Variants in PANX1 observed in about 807,000 individuals in gnomAD.
The protein encoded by PANX1 is pannexin-1.
PANX1 carries 30 observed loss-of-function variants against 38.7 expected under a neutral mutation model. That is an observed-to-expected ratio of 0.78 (90% CI 0.58 to 1.05). The LOEUF (loss-of-function observed/expected upper bound fraction) is 1.05. PANX1 is among the 50% of genes least tolerant of loss of function. The probability of loss-of-function intolerance (pLI) is 0.00; values close to 1 mark genes in which losing one functional copy is unlikely to be tolerated. For missense variants in PANX1, 551 were observed against 517.2 expected, an observed-to-expected ratio of 1.07 and a Z score of -0.63; for synonymous variants, 230 against 212.2, an observed-to-expected ratio of 1.08 and a Z score of -0.73.
At chr11:94,180,604 T>G (rs1208619009) in intron 4 of PANX1, among the ~76,000 whole-genome samples, 186 bp from the exon 5 acceptor site, 1 of 152,204 alleles carries the variant, frequency 6.6e-6, no homozygotes, top group Non-Finnish European at 1.5e-5. Context: ...ACCTCTGATC[T>G]CCTTCTCTGT....
At chr11:94,169,005 G>GA (rs1947134089) in intron 2 of PANX1, among the ~76,000 whole-genome samples, 1 of 151,662 alleles carries the variant, frequency 6.6e-6, no homozygotes, top group Non-Finnish European at 1.5e-5. Context: ...GATTTTGGAG[G>GA]AAAATCAAAG....
intron 2 of PANX1, among the ~76,000 whole-genome samples, chr11:94,175,488 A>G (rs1340270846): frequency 6.6e-6 from 1 of 151,808 alleles, no homozygotes; most frequent in Non-Finnish European, 1.5e-5. Context: ...CACAGACTGT[A>G]AATAGTCACT....
chr11:94,176,141 C>T (rs1361782161), intron 2 of PANX1, among the ~76,000 whole-genome samples: 1 of 151,614 alleles, frequency 6.6e-6, no homozygotes, highest in Non-Finnish European at 1.5e-5. Context: ...CACAGATATC[C>T]TGGAATATCG....
intron 1 of PANX1, among the ~76,000 whole-genome samples, chr11:94,133,439 C>T (rs1171302480): frequency 6.6e-6 from 1 of 152,066 alleles, no homozygotes; most frequent in African/African-American, 2.4e-5. Context: ...GGCAGCCACT[C>T]ATTGGTCCAG....
At chr11:94,130,013 C>T (rs542287550) in intron 1 of PANX1, among the ~76,000 whole-genome samples, 5 of 152,218 alleles carry the variant, frequency 3.3e-5, no homozygotes, top group Non-Finnish European at 7.3e-5. Context: ...CTGCACTTGG[C>T]AGGCATTAGA....
intron 2 of PANX1, among the ~76,000 whole-genome samples, chr11:94,171,471 G>A (rs541991270): frequency 7.9e-5 from 12 of 151,606 alleles, no homozygotes; most frequent in African/African-American, 1.5e-4. Flanking sequence ...GAGACAATGC[G>A]TAGTCCATAG....
At chr11:94,146,600 C>T (rs1437947037) in intron 1 of PANX1, among the ~76,000 whole-genome samples, 1 of 152,206 alleles carries the variant, frequency 6.6e-6, no homozygotes, top group African/African-American at 2.4e-5. Context: ...CCTGAGGACC[C>T]ACAGCCCTTC....
At chr11:94,145,132 A>T (rs924259437) in intron 1 of PANX1, among the ~76,000 whole-genome samples, 1 of 152,168 alleles carries the variant, frequency 6.6e-6, no homozygotes, top group African/African-American at 2.4e-5. Context: ...CAACATGTGG[A>T]TGAAGCAAGC....
intron 2 of PANX1, among the ~76,000 whole-genome samples, chr11:94,170,777 G>C (rs968754627): frequency 2.0e-5 from 3 of 151,686 alleles, no homozygotes; most frequent in Non-Finnish European, 4.4e-5. Flanking sequence ...AGAAGGTCCA[G>C]TTCTAACTTC....
In PANX1 at chr11:94,159,144, G is replaced by A. The variant is rs192367177; in HGVS notation, c.321+5514G>A. On this transcript the variant is annotated intron_variant, in intron 2 of 4. Coordinates refer to ENST00000227638, the MANE Select transcript of PANX1 (RefSeq NM_015368.4). ...AGCTTTTTGATGTGCTGCTGGATTC[G>A]GTTTGCCAGTATTTTATTGAGGATT... Among the ~76,000 whole-genome samples, 430 of 152,202 alleles carry A rather than the reference G, an allele frequency of 2.8e-3. 2 individuals are homozygous for A. The highest frequency in any genetic ancestry group is 8.7e-3 in the African/African-American group (363 of 41,514).
intron 2 of PANX1, among the ~76,000 whole-genome samples, chr11:94,168,945 C>T (rs1256992875): frequency 6.6e-6 from 1 of 151,530 alleles, no homozygotes; most frequent in Non-Finnish European, 1.5e-5. Context: ...TTTCAGGCAC[C>T]GGATGGAATG....
intron 1 of PANX1, among the ~76,000 whole-genome samples, chr11:94,140,874 A>G (rs934948686): frequency 1.3e-5 from 2 of 152,206 alleles, no homozygotes; most frequent in African/African-American, 4.8e-5. Flanking sequence ...ATGAAAAATA[A>G]TTATAAAACA....
chr11:94,173,995 C>A (rs1006382924), intron 2 of PANX1, among the ~76,000 whole-genome samples: 1 of 151,444 alleles, frequency 6.6e-6, no homozygotes, highest in African/African-American at 2.4e-5. Context: ...TCTTCTAGTT[C>A]CTGGTGGCTG....
intron 1 of PANX1, among the ~76,000 whole-genome samples, chr11:94,132,441 A>C (rs1946640715): frequency 6.6e-6 from 1 of 152,158 alleles, no homozygotes; most frequent in Admixed American, 6.5e-5. Flanking sequence ...AAGTGTGTGG[A>C]GCAGTGTTGG....
chr11:94,160,548 C>A (rs998567865), intron 2 of PANX1, among the ~76,000 whole-genome samples: 1 of 151,946 alleles, frequency 6.6e-6, no homozygotes, highest in South Asian at 2.1e-4. Context: ...GGATTGCAAC[C>A]CCTGCCTTTT....
intron 2 of PANX1, among the ~76,000 whole-genome samples, chr11:94,160,840 C>A (rs1256918743): frequency 6.6e-6 from 1 of 152,124 alleles, no homozygotes; most frequent in Non-Finnish European, 1.5e-5. Context: ...TAGAATTTGG[C>A]ATTTTTTTGC....
At chr11:94,132,763 A>G (rs1297217449) in intron 1 of PANX1, among the ~76,000 whole-genome samples, 1 of 152,210 alleles carries the variant, frequency 6.6e-6, no homozygotes, top group African/African-American at 2.4e-5. Flanking sequence ...TTACTTTCCA[A>G]AAATTAAATT....
chr11:94,157,307 G>A (rs927364484), intron 2 of PANX1, among the ~76,000 whole-genome samples: 5 of 152,098 alleles, frequency 3.3e-5, no homozygotes, highest in African/African-American at 4.8e-5. Flanking sequence ...CTGAGGAATC[G>A]CCACACTGAC....
At chr11:94,155,862 G>A (rs977968285) in intron 2 of PANX1, among the ~76,000 whole-genome samples, 7 of 152,140 alleles carry the variant, frequency 4.6e-5, no homozygotes, top group African/African-American at 1.2e-4. Flanking sequence ...GTGGGTTCTC[G>A]TCAGCTTTGC....
Sources: allele counts gnomAD v4.1 joint callset (sites outside exome capture counted in the v4.1 genomes callset), GRCh38; gene constraint gnomAD v4.1.1; transcripts MANE v1.5; gene names NCBI Gene and HGNC (gene_info 2026-07-23, HGNC 2026-07-21).